The following SESTD1 variants were observed in gnomAD, a reference collection of about 807,000 sequenced individuals.
The protein encoded by SESTD1 is SEC14 domain and spectrin repeat-containing protein 1.
SESTD1 carries 43 observed loss-of-function variants against 101.7 expected under a neutral mutation model. The ratio of observed to expected loss-of-function variants is 0.42; its 90% CI spans 0.33 to 0.55. The LOEUF is 0.55. Among genes scored for constraint, SESTD1 ranks in the 20% least tolerant of loss-of-function variants. SESTD1 has a pLI of 0.07. For missense variants in SESTD1, 647 were observed against 815.1 expected (o/e 0.79, Z 2.51); for synonymous variants, 283 against 286.8 (o/e 0.99, Z 0.13).
At chr2:179,159,876 G>T (rs186007930) in intron 5 of SESTD1, among the ~76,000 whole-genome samples, 1 of 152,176 alleles carries the variant, frequency 6.6e-6, no homozygotes, top group Admixed American at 6.5e-5. Flanking sequence ...AATTTTTTTT[G>T]AGAGTTTTGC....
At chr2:179,230,074 TAGA>T (rs2046960303) in intron 1 of SESTD1, among the ~76,000 whole-genome samples, 1 of 142,110 alleles carries the variant, frequency 7.0e-6, no homozygotes, top group South Asian at 2.3e-4. Context: ...AACAACAAAG[TAGA>T]AGATTTTAAT....
At chr2:179,261,452 G>A (rs1486628921) in intron 1 of SESTD1, among the ~76,000 whole-genome samples, 2 of 151,964 alleles carry the variant, frequency 1.3e-5, no homozygotes, top group African/African-American at 4.8e-5. Context: ...AAACAACTTT[G>A]CACTTTAGTT....
intron 1 of SESTD1, among the ~76,000 whole-genome samples, chr2:179,256,352 T>C (rs1388699972): frequency 6.6e-6 from 1 of 152,156 alleles, no homozygotes; most frequent in Non-Finnish European, 1.5e-5. Context: ...TATACTGACA[T>C]GAATAGGAGT....
chr2:179,179,873 T>A (rs1367429769), intron 3 of SESTD1, among the ~76,000 whole-genome samples: 1 of 152,166 alleles, frequency 6.6e-6, no homozygotes, highest in Non-Finnish European at 1.5e-5. Flanking sequence ...CTAGCCTCCT[T>A]GATGTTCCCA....
intron 5 of SESTD1, among the ~76,000 whole-genome samples, chr2:179,167,001 A>G (rs1281985501): frequency 6.6e-6 from 1 of 152,242 alleles, no homozygotes; most frequent in Non-Finnish European, 1.5e-5. Flanking sequence ...CTAACATTCA[A>G]TAAAAAATAA....
At chr2:179,141,096 T>A (rs753943684) in intron 9 of SESTD1, among the ~76,000 whole-genome samples, 2 of 152,150 alleles carry the variant, frequency 1.3e-5, no homozygotes, top group African/African-American at 4.8e-5. Context: ...CAAACAAATA[T>A]ACCCCAGCCC....
Position 179,107,025 on chromosome 2 carries a change from T to A in SESTD1, c.*2874A>T, listed in dbSNP as rs1029818498. The A allele has an allele frequency of 3.9e-5, 6 of 152,056 alleles. No individual in the cohort carries two copies. Among genetic ancestry groups the A allele is most frequent in the African/African-American group, 1.4e-4 (6 of 41,384 alleles). The allele number at this position is 152,056 out of a possible 1,614,324, so 9.4% of individuals were successfully genotyped here. ...CCCTGCCAGCGTTTCAATAATTCCC[T>A]GAGATGGGCTAAAGGAATGTGGGAG... On this transcript the variant is annotated 3_prime_UTR_variant, in exon 18 of 18. Transcript: ENST00000428443.
chr2:179,109,951 T>A lies in SESTD1; in HGVS notation c.2039A>T (p.Asn680Ile). The A allele has an allele frequency of 6.2e-7, 1 of 1,613,932 alleles. No homozygotes were observed. ...ENIRDRMKLV[N>I]LKRQQLRHPE... ...ATGTCTCAGCTGCTGCCTTTTGAGA[T>A]TAACTAGTTTCATCCTGTCTCTGAT... The change falls in exon 18 of 18, where the codon AAT (asparagine) becomes ATT (isoleucine). Residue 680 changes from asparagine to isoleucine, a missense_variant. Asn to Ile is a moderately radical substitution (Grantham distance 149). This residue lies in a region of SESTD1 where 476 missense variants were observed against 562.6 expected (regional missense o/e 0.85). Coordinates refer to ENST00000428443, the MANE Select transcript of SESTD1 (RefSeq NM_178123.5).
Position 179,146,693 on chromosome 2 carries a change from A to G in SESTD1, c.582-236T>C, listed in dbSNP as rs547859329. ...ATAAAATAACTACTTGGAAAAATAT[A>G]GTTTACTGTTTTTAGTCATAATATT... On this transcript the variant is annotated intron_variant, in intron 7 of 17. Transcript: ENST00000428443. Among the ~76,000 whole-genome samples the G allele has an allele frequency of 5.9e-5, 9 of 152,176 alleles. No homozygotes were observed. The East Asian group carries it at 1.5e-3, about 26-fold the overall frequency.
chr2:179,153,399 G>A (rs2045566369), intron 5 of SESTD1, among the ~76,000 whole-genome samples: 1 of 152,068 alleles, frequency 6.6e-6, no homozygotes, highest in Non-Finnish European at 1.5e-5. Context: ...AGGAAGATGT[G>A]GGAGAGAAAA....
intron 2 of SESTD1, among the ~76,000 whole-genome samples, chr2:179,189,686 A>G (rs547094285): frequency 6.6e-6 from 1 of 152,198 alleles, no homozygotes; most frequent in African/African-American, 2.4e-5. Context: ...AGCCTCCACC[A>G]AAAGGCTTCT....
intron 5 of SESTD1, among the ~76,000 whole-genome samples, chr2:179,169,083 C>T (rs1453542991): frequency 1.3e-5 from 2 of 151,978 alleles, no homozygotes; most frequent in Non-Finnish European, 2.9e-5. Flanking sequence ...TAAAATCTAG[C>T]AAGATGGTAG....
At chr2:179,138,122 T>C (rs2045195888) in intron 9 of SESTD1, among the ~76,000 whole-genome samples, 2 of 150,798 alleles carry the variant, frequency 1.3e-5, no homozygotes, top group African/African-American at 2.5e-5. Context: ...AAACTGAATA[T>C]GAAGTTTACC....
intron 1 of SESTD1, among the ~76,000 whole-genome samples, chr2:179,255,599 G>GA (rs2047382496): frequency 1.3e-5 from 2 of 152,316 alleles, no homozygotes; most frequent in African/African-American, 4.8e-5. Flanking sequence ...GAGGTTTAAC[G>GA]AAAGAAGCCA....
intron 13 of SESTD1, among the ~76,000 whole-genome samples, chr2:179,119,053 G>A (rs935031220): frequency 4.6e-5 from 7 of 152,178 alleles, no homozygotes; most frequent in Non-Finnish European, 8.8e-5. Context: ...GAATGTTATA[G>A]AAGATAAAAT....
chr2:179,196,574 G>C (rs1372825105), intron 1 of SESTD1, among the ~76,000 whole-genome samples: 1 of 152,232 alleles, frequency 6.6e-6, no homozygotes, highest in African/African-American at 2.4e-5. Context: ...CAGCTTTGAA[G>C]ACAGCAGTGG....
intron 2 of SESTD1, among the ~76,000 whole-genome samples, chr2:179,185,394 A>C (rs2046194670): frequency 6.8e-6 from 1 of 146,116 alleles, no homozygotes; most frequent in Non-Finnish European, 1.5e-5. Context: ...CATATTGTAT[A>C]TATAGTATAT....
chr2:179,223,840 A>G (rs1310112488), intron 1 of SESTD1, among the ~76,000 whole-genome samples: 2 of 152,216 alleles, frequency 1.3e-5, no homozygotes, highest in Non-Finnish European at 2.9e-5. Context: ...TGGAACTACA[A>G]AAGGAACTAA....
At chr2:179,198,905 C>T (rs2046451416) in intron 1 of SESTD1, among the ~76,000 whole-genome samples, 1 of 151,654 alleles carries the variant, frequency 6.6e-6, no homozygotes, top group Non-Finnish European at 1.5e-5. Flanking sequence ...ACTAGAAAAG[C>T]AAGAGCAAAC....
Sources: allele counts gnomAD v4.1 joint callset (sites outside exome capture counted in the v4.1 genomes callset), GRCh38; gene constraint gnomAD v4.1.1; regional missense constraint gnomAD v4.1.1; transcripts MANE v1.5; gene names NCBI Gene and HGNC (gene_info 2026-07-23, HGNC 2026-07-21).